USP40: variants seen among roughly 807,000 people sequenced by gnomAD.
USP40 encodes ubiquitin carboxyl-terminal hydrolase 40.
In USP40, 143 loss-of-function variants were observed where a neutral mutation model predicts 166.2. The observed-to-expected ratio is 0.86, with a 90% CI of 0.75 to 0.99. The LOEUF (loss-of-function observed/expected upper bound fraction) is 0.99. Among genes scored for constraint, USP40 ranks in the 50% least tolerant of loss-of-function variants. The pLI, the probability that USP40 is intolerant of heterozygous loss-of-function variation, is 0.00. For synonymous variants in USP40, 498 were observed against 524.0 expected (o/e 0.95, Z 0.68); for missense variants, 1,444 against 1,479.7 (o/e 0.98, Z 0.40).
At chr2:233,489,690 T>C (rs190559607) in intron 26 of USP40, 77 of 486,828 alleles carry the variant, frequency 1.6e-4, no homozygotes, top group Admixed American at 6.1e-4. Flanking sequence ...TCCTCTGCAC[T>C]GAAATCACCT....
At chr2:233,552,732 C>T (rs1160257666) in intron 6 of USP40, among the ~76,000 whole-genome samples, 4 of 152,212 alleles carry the variant, frequency 2.6e-5, no homozygotes, top group Admixed American at 2.0e-4. Context: ...TCAATCTTCC[C>T]GTGAAAGCTA....
At chr2:233,524,468 T>C (rs2067877596) in intron 15 of USP40, 24 bp downstream of exon 15, 1 of 1,590,372 alleles carries the variant, frequency 6.3e-7, no homozygotes, top group Non-Finnish European at 8.6e-7. Context: ...TTATCACGAA[T>C]ATTTCTTCAG....
At position 233,500,460 on chromosome 2, in the gene USP40, G is replaced by A. The variant is rs187119742; in HGVS notation, c.2614-545C>T. On this transcript the variant is annotated intron_variant, in intron 21 of 31. Coordinates refer to ENST00000678225, the MANE Select transcript of USP40 (RefSeq NM_001365479.2). ...CAAAAGTTTAAATAAAACAAAAATA[G>A]TAATTAAAACAATTTCTTGAGGGAA... Among the ~76,000 whole-genome samples, 46 of 152,196 alleles carry A rather than the reference G, an allele frequency of 3.0e-4. 1 individual carries two copies. In the East Asian group the frequency reaches 6.4e-3, roughly 21 times the overall value.
Position 233,551,382 on chromosome 2 carries a change from A to G in USP40, c.831T>C (p.Cys277=), listed in dbSNP as rs1346733847. ...FPLRINLKPF[C]EQSELDDLEY... is the part of the protein sequence containing the mutation. The stretch of plus-strand genomic sequence containing the variant: ...AAAATAAAATAGTTCAAACCTGTTC[A>G]CAAAAGGGCTTGAGATTAATCCGGA... The change falls in exon 7 of 32, where the codon TGT becomes TGC. Residue 277 remains cysteine, a synonymous_variant. Transcript: ENST00000678225. 1.9e-6 allele frequency: 3 copies of G among 1,601,364 alleles called. No homozygotes were observed. The African/African-American group carries it at 4.1e-5, about 22-fold the overall frequency.
chr2:233,522,151 A>G (rs550995832), intron 16 of USP40, among the ~76,000 whole-genome samples: 31 of 152,314 alleles, frequency 2.0e-4, no homozygotes, highest in Middle Eastern at 3.4e-3. Flanking sequence ...ACAAATCTCA[A>G]GGTTGGGCAG....
chr2:233,551,098 A>C (rs2070509805), intron 7 of USP40, among the ~76,000 whole-genome samples: 1 of 152,218 alleles, frequency 6.6e-6, no homozygotes, highest in Non-Finnish European at 1.5e-5. Flanking sequence ...CTGTCCTCGC[A>C]GGAGACATAT....
intron 8 of USP40, among the ~76,000 whole-genome samples, chr2:233,548,138 T>C (rs1190073617): frequency 6.6e-6 from 1 of 152,136 alleles, no homozygotes; most frequent in Non-Finnish European, 1.5e-5. Flanking sequence ...ACTCAATAAA[T>C]AGAAATAGGT....
chr2:233,552,128 T>C (rs1275053431), intron 6 of USP40, among the ~76,000 whole-genome samples: 1 of 150,804 alleles, frequency 6.6e-6, no homozygotes, highest in Non-Finnish European at 1.5e-5. Flanking sequence ...CTCCTTGATA[T>C]ATAAAATTAC....
At chr2:233,519,967 G>T (rs1383388845) in intron 17 of USP40, among the ~76,000 whole-genome samples, 2 of 152,118 alleles carry the variant, frequency 1.3e-5, no homozygotes, top group African/African-American at 4.8e-5. Context: ...CTAGCTGAAA[G>T]GCAATAAGCT....
chr2:233,483,826 A>G (rs2064778780), intron 30 of USP40, among the ~76,000 whole-genome samples: 1 of 152,228 alleles, frequency 6.6e-6, no homozygotes, highest in African/African-American at 2.4e-5. Flanking sequence ...TAGATACTCA[A>G]CTTGTATAAA....
intron 2 of USP40, among the ~76,000 whole-genome samples, chr2:233,563,860 G>C (rs1039969517): frequency 2.0e-5 from 3 of 151,960 alleles, no homozygotes; most frequent in African/African-American, 7.3e-5. Flanking sequence ...AGTTGGCCTG[G>C]GACTCTCAGT....
chr2:233,496,738 A>C lies in USP40; in HGVS notation c.2790+20T>G. 1 of 1,598,002 alleles carries C rather than the reference A, an allele frequency of 6.3e-7. No individual in the cohort carries two copies. On this transcript the variant is annotated intron_variant, in intron 24 of 31. Coordinates refer to ENST00000678225, the MANE Select transcript of USP40 (RefSeq NM_001365479.2). ...AACAATTATTACTTAAGAGTTGTCT[A>C]TTCAGAAGTAAAATCTTACCAGAGG...
intron 16 of USP40, 34 bp from the exon 17 acceptor site, chr2:233,521,148 C>T: frequency 1.3e-6 from 2 of 1,589,754 alleles, no homozygotes; most frequent in Admixed American, 1.8e-5. Context: ...GAAATTAATA[C>T]CTTTCCTTAG....
At position 233,566,766 on chromosome 2, in the gene USP40, G is replaced by A; in HGVS notation, c.-102C>T. On this transcript the variant is annotated 5_prime_UTR_variant, in exon 1 of 32. Coordinates refer to ENST00000678225, the MANE Select transcript of USP40 (RefSeq NM_001365479.2). ...ACTGGGCGCCGCCATGTTGGCGAGG[G>A]CGGGTCTCCAGAAAGTGATTTATGG... 1 of 985,972 alleles carries A rather than the reference G, an allele frequency of 1.0e-6. No homozygotes were observed. Among genetic ancestry groups the A allele is most frequent in the Non-Finnish European group, 1.2e-6 (1 of 829,974 alleles). The allele number at this position is 985,972 out of a possible 1,614,324, so 61.1% of individuals were successfully genotyped here.
chr2:233,503,152 C>A (rs1052381558), intron 21 of USP40, among the ~76,000 whole-genome samples: 2 of 152,062 alleles, frequency 1.3e-5, no homozygotes, highest in Admixed American at 6.5e-5. Context: ...CATTCATAAT[C>A]TGAATCAGAA....
At chr2:233,535,217 A>G (rs1308966475) in intron 10 of USP40, among the ~76,000 whole-genome samples, 2 of 152,222 alleles carry the variant, frequency 1.3e-5, no homozygotes, top group African/African-American at 4.8e-5. Context: ...GGTAGAATGG[A>G]CAGCTCAAAG....
At chr2:233,505,183 C>G (rs1258136404) in intron 21 of USP40, among the ~76,000 whole-genome samples, 1 of 152,060 alleles carries the variant, frequency 6.6e-6, no homozygotes, top group South Asian at 2.1e-4. Flanking sequence ...CCATGGGATA[C>G]AGCAAAAACA....
chr2:233,532,260 CTATGTCT>C (rs2068594199), intron 11 of USP40, among the ~76,000 whole-genome samples: 1 of 152,194 alleles, frequency 6.6e-6, no homozygotes, highest in Non-Finnish European at 1.5e-5. Flanking sequence ...TGATTGCCAG[CTATGTCT>C]TCGTTTGCAA....
chr2:233,488,350 AT>A lies in USP40; in HGVS notation c.3132-47del, dbSNP rs747399199. The A allele has an allele frequency of 6.0e-6, 9 of 1,490,214 alleles. No homozygotes were observed. In the South Asian group the frequency reaches 1.0e-4, roughly 17 times the overall value. The allele number at this position is 1,490,214 out of a possible 1,614,324, so 92.3% of individuals were successfully genotyped here. On this transcript the variant is annotated intron_variant, in intron 27 of 31. Coordinates refer to ENST00000678225, the MANE Select transcript of USP40 (RefSeq NM_001365479.2). ...ATAATATTGAGTGACATAACATTTA[AT>A]TTTCTTGAATTTTTTTTCCCCCAAT...
Sources: allele counts gnomAD v4.1 joint callset (sites outside exome capture counted in the v4.1 genomes callset), GRCh38; gene constraint gnomAD v4.1.1; transcripts MANE v1.5; gene names NCBI Gene and HGNC (gene_info 2026-07-23, HGNC 2026-07-21).